NDFIP2: variants seen among roughly 807,000 people sequenced by gnomAD.
NDFIP2 encodes NEDD4 family-interacting protein 2.
A neutral mutation model predicts 36.0 loss-of-function variants in NDFIP2; 19 were observed. The ratio of observed to expected loss-of-function variants is 0.53; its 90% CI spans 0.37 to 0.77. The LOEUF is 0.77. NDFIP2 is among the 30% of genes least tolerant of loss of function. NDFIP2 has a pLI of 0.00. For missense variants in NDFIP2, 446 were observed against 435.8 expected, an observed-to-expected ratio of 1.02 and a Z score of -0.21; for synonymous variants, 181 against 167.7, an observed-to-expected ratio of 1.08 and a Z score of -0.61.
intron 2 of NDFIP2, among the ~76,000 whole-genome samples, chr13:79,528,406 A>C (rs1013446584): frequency 6.6e-6 from 1 of 152,232 alleles, no homozygotes; most frequent in Non-Finnish European, 1.5e-5. Flanking sequence ...AAAAGTATAT[A>C]AAGTAAAAAT....
chr13:79,533,772 G>A (rs1594855998), intron 3 of NDFIP2, among the ~76,000 whole-genome samples: 2 of 150,686 alleles, frequency 1.3e-5, no homozygotes, highest in South Asian at 4.1e-4. Flanking sequence ...ATTATCGACT[G>A]TTTATGTTAT....
chr13:79,511,225 A>G (rs1328303994), intron 1 of NDFIP2, among the ~76,000 whole-genome samples: 1 of 152,160 alleles, frequency 6.6e-6, no homozygotes, highest in Non-Finnish European at 1.5e-5. Context: ...TTTCAGGGCT[A>G]CTTCTATTTG....
At chr13:79,484,219 T>C (rs967926350) in intron 1 of NDFIP2, among the ~76,000 whole-genome samples, 1 of 152,044 alleles carries the variant, frequency 6.6e-6, no homozygotes, top group Admixed American at 6.6e-5. Context: ...TTCAGCATGT[T>C]GGCCAGGCTG....
At chr13:79,482,169 CTTTTTTTTTTTTTT>C (rs10558361) in intron 1 of NDFIP2, among the ~76,000 whole-genome samples, 3 of 75,886 alleles carry the variant, frequency 4.0e-5, no homozygotes, top group Non-Finnish European at 5.0e-5. Flanking sequence ...TTCTTTCTTT[CTTTTTTTTTTTTTT>C]TTTTTTTTTT....
At chr13:79,488,665 T>G (rs1873111832) in intron 1 of NDFIP2, among the ~76,000 whole-genome samples, 1 of 152,224 alleles carries the variant, frequency 6.6e-6, no homozygotes, top group Non-Finnish European at 1.5e-5. Context: ...ATTCATCTGA[T>G]ATATAATAGC....
chr13:79,524,816 A>G (rs1229371363), intron 2 of NDFIP2, among the ~76,000 whole-genome samples: 1 of 152,180 alleles, frequency 6.6e-6, no homozygotes, highest in East Asian at 1.9e-4. Flanking sequence ...TTTGTACACT[A>G]TGCTTGGCTC....
At chr13:79,509,722 C>T (rs1874009041) in intron 1 of NDFIP2, among the ~76,000 whole-genome samples, 1 of 149,858 alleles carries the variant, frequency 6.7e-6, no homozygotes, top group South Asian at 2.1e-4. Context: ...TATTAACTCA[C>T]ACGATCACAA....
chr13:79,549,480 G>A (rs575442776), intron 6 of NDFIP2, among the ~76,000 whole-genome samples: 30 of 151,958 alleles, frequency 2.0e-4, no homozygotes, highest in Middle Eastern at 3.4e-3. Context: ...GAATACAGAG[G>A]ACAATGCCAG....
chr13:79,541,253 C>T (rs931287373), intron 4 of NDFIP2, among the ~76,000 whole-genome samples: 19 of 151,758 alleles, frequency 1.3e-4, no homozygotes, highest in South Asian at 6.2e-4. Flanking sequence ...CTTATTTCTC[C>T]GTTTATTTCA....
In NDFIP2 at chr13:79,482,149, TTTTC is replaced by T. The variant is rs1291210226; in HGVS notation, c.321+645_321+648del. ...ACTGTATTTTTTGGTAATCCCCACT[TTTTC>T]TTTCTTTCTTTCTTTCTTTTTTTTT... On this transcript the variant is annotated intron_variant, in intron 1 of 7. Transcript: ENST00000218652. Among the ~76,000 whole-genome samples the T allele has an allele frequency of 4.3e-4, 48 of 112,000 alleles. No individual in the cohort carries two copies. The South Asian group carries it at 5.6e-3, about 13-fold the overall frequency. The allele number at this position is 112,000 out of a possible 152,430, so 73.5% of individuals were successfully genotyped here.
At chr13:79,535,738 G>A (rs547758228) in intron 3 of NDFIP2, among the ~76,000 whole-genome samples, 6 of 152,208 alleles carry the variant, frequency 3.9e-5, no homozygotes, top group African/African-American at 1.4e-4. Context: ...TGAAAAATTG[G>A]TCAATGCTTG....
At chr13:79,534,021 C>T (rs1395270054) in intron 3 of NDFIP2, among the ~76,000 whole-genome samples, 2 of 152,130 alleles carry the variant, frequency 1.3e-5, no homozygotes, top group Admixed American at 1.3e-4. Context: ...TATTGCTCTT[C>T]CCCGCTTATC....
At chr13:79,551,184 C>A in intron 7 of NDFIP2, 62 bp downstream of exon 7, 2 of 925,020 alleles carry the variant, frequency 2.2e-6, no homozygotes, top group Non-Finnish European at 3.3e-6. Flanking sequence ...TTGCCAGATA[C>A]ATATTAAATG....
intron 2 of NDFIP2, among the ~76,000 whole-genome samples, chr13:79,527,997 C>CA (rs1426517008): frequency 6.6e-6 from 1 of 152,184 alleles, no homozygotes; most frequent in African/African-American, 2.4e-5. Context: ...TGCACGGTGG[C>CA]ACATGCCTAT....
intron 1 of NDFIP2, among the ~76,000 whole-genome samples, chr13:79,507,022 A>C (rs1469570485): frequency 6.6e-6 from 1 of 152,046 alleles, no homozygotes; most frequent in African/African-American, 2.4e-5. Flanking sequence ...TTTAGATGAG[A>C]TATGAAATCC....
chr13:79,505,452 A>G (rs570020052), intron 1 of NDFIP2, among the ~76,000 whole-genome samples: 1 of 152,164 alleles, frequency 6.6e-6, no homozygotes, highest in African/African-American at 2.4e-5. Flanking sequence ...TAACATAGCA[A>G]GACTTCAGCT....
Position 79,543,171 on chromosome 13 carries a change from C to T in NDFIP2, c.716-387C>T, listed in dbSNP as rs149571647. Among the ~76,000 whole-genome samples, 432 of 152,364 alleles carry T rather than the reference C, an allele frequency of 2.8e-3. 4 individuals are homozygous for T. The highest frequency in any genetic ancestry group is 0.01 in the African/African-American group (416 of 41,578). ...GGATTACAGGCATGAGCCACTGTGC[C>T]TGGCCTGCTTTACCTTTTTTAAAAA... On this transcript the variant is annotated intron_variant, in intron 4 of 7. Transcript: ENST00000218652.
intron 1 of NDFIP2, among the ~76,000 whole-genome samples, chr13:79,498,186 C>A (rs1873522497): frequency 1.3e-5 from 2 of 151,722 alleles, no homozygotes; most frequent in Non-Finnish European, 2.9e-5. Context: ...GACAGTAAAA[C>A]CTAGGTGTGA....
chr13:79,497,766 A>G (rs1873493854), intron 1 of NDFIP2, among the ~76,000 whole-genome samples: 1 of 140,036 alleles, frequency 7.1e-6, no homozygotes, highest in South Asian at 2.2e-4. Flanking sequence ...TGTTCCTTCC[A>G]TGCCCATTTA....
Sources: allele counts gnomAD v4.1 joint callset (sites outside exome capture counted in the v4.1 genomes callset), GRCh38; gene constraint gnomAD v4.1.1; transcripts MANE v1.5; gene names NCBI Gene and HGNC (gene_info 2026-07-23, HGNC 2026-07-21).